The following IL16 variants were observed in gnomAD, a reference collection of about 807,000 sequenced individuals.
IL16 encodes interleukin 16, also known as pro-interleukin-16.
In IL16, 67 loss-of-function variants were observed where a neutral mutation model predicts 110.1. The ratio of observed to expected loss-of-function variants is 0.61; its 90% confidence interval spans 0.50 to 0.75. The LOEUF (loss-of-function observed/expected upper bound fraction) is 0.75, where lower values mean the gene tolerates loss of function less well. IL16 is among the 30% of genes least tolerant of loss of function. IL16 has a pLI of 0.00. For synonymous variants in IL16, 689 were observed against 662.9 expected (o/e 1.04, Z -0.61); for missense variants, 1,545 against 1,655.0 (o/e 0.93, Z 1.15).
At chr15:81,293,461 G>T (rs1212617203) in intron 12 of IL16, among the ~76,000 whole-genome samples, 1 of 152,158 alleles carries the variant, frequency 6.6e-6, no homozygotes, top group Non-Finnish European at 1.5e-5. Flanking sequence ...CCAGCACTTT[G>T]GGAGGCTGAG....
At chr15:81,186,503 T>C (rs1416558575) in intron 1 of IL16, among the ~76,000 whole-genome samples, 1 of 152,228 alleles carries the variant, frequency 6.6e-6, no homozygotes, top group African/African-American at 2.4e-5. Context: ...CGACATTGGG[T>C]TGTGGATAAC....
At chr15:81,211,059 G>C (rs1356458531) in intron 1 of IL16, among the ~76,000 whole-genome samples, 4 of 151,838 alleles carry the variant, frequency 2.6e-5, no homozygotes, top group Non-Finnish European at 5.9e-5. Flanking sequence ...TTTTTTGTTT[G>C]TTTGTTTGTT....
Position 81,312,735 on chromosome 15 carries a change from T to TAAA in IL16, c.*3938_*3940dup, listed in dbSNP as rs1567053918. 1 of 152,224 alleles carries TAAA rather than the reference T, an allele frequency of 6.6e-6. No homozygotes were observed. Among genetic ancestry groups the TAAA allele is most frequent in the Non-Finnish European group, 1.5e-5 (1 of 68,036 alleles). 9.4% of individuals were successfully genotyped at this position (152,224 alleles called of 1,614,324 possible). A position where few individuals can be genotyped will look rare whatever the true frequency, so the allele number is the denominator to read the frequency against. ...AGTTGACACCTTTTTTAAGGAAAAA[T>TAAA]AAATATTTTGCGGCATTAAAGCCAT... On this transcript the variant is annotated 3_prime_UTR_variant, in exon 19 of 19. Transcript: ENST00000683961.
At position 81,251,844 on chromosome 15, in the gene IL16, T is replaced by G. The variant is rs114088713; in HGVS notation, c.313-7928T>G. Among the ~76,000 whole-genome samples the G allele has an allele frequency of 7.8e-3, 1,193 of 152,286 alleles. 17 individuals are homozygous for G. Among genetic ancestry groups the G allele is most frequent in the African/African-American group, 0.027 (1,123 of 41,544 alleles). The stretch of plus-strand genomic sequence containing the variant: ...TCTGGAAAAAAATAGCCAATTATTT[T>G]AATATTACCTACAGTTTTTTTTCAA... On this transcript the variant is annotated intron_variant, in intron 2 of 18. Transcript: ENST00000683961.
intron 1 of IL16, among the ~76,000 whole-genome samples, chr15:81,199,156 A>G (rs116646878): frequency 0.013 from 1,938 of 152,000 alleles, 41 homozygotes; most frequent in African/African-American, 0.045. Context: ...GTGAATAGCA[A>G]TATGCTCATA....
chr15:81,226,603 C>T (rs960265244), intron 2 of IL16, among the ~76,000 whole-genome samples: 1 of 152,222 alleles, frequency 6.6e-6, no homozygotes. Flanking sequence ...TTGCCTTCTT[C>T]AGGAGGGAAA....
chr15:81,201,474 T>C (rs1384729398), intron 1 of IL16, among the ~76,000 whole-genome samples: 1 of 152,174 alleles, frequency 6.6e-6, no homozygotes, highest in African/African-American at 2.4e-5. Flanking sequence ...TGCCCTTAGT[T>C]CTCCAGGAAG....
intron 5 of IL16, among the ~76,000 whole-genome samples, chr15:81,270,751 CA>C (rs1410845116): frequency 6.6e-6 from 1 of 151,976 alleles, no homozygotes; most frequent in Non-Finnish European, 1.5e-5. Flanking sequence ...TGAAGATGAC[CA>C]AAAATGGTTT....
At position 81,299,907 on chromosome 15, in the gene IL16, A is replaced by G. The variant is rs1900183311; in HGVS notation, c.2581A>G (p.Arg861Gly). 4 of 1,613,560 alleles carry G rather than the reference A, an allele frequency of 2.5e-6. No individual in the cohort carries two copies. The highest frequency in any genetic ancestry group is 1.6e-4 in the Middle Eastern group (1 of 6,062). Residue 861 changes from arginine (R) to glycine (G), a missense_variant, in exon 14 of 19, where the codon AGA becomes GGA. Physicochemically the swap from Arg to Gly is moderately radical, Grantham distance 125. Transcript: ENST00000683961. Reference protein sequence around the residue: ...SSQLPDKGAQRLSLQPSSGEA... With the variant: ...SSQLPDKGAQGLSLQPSSGEA... ...TCAACTGCCTGACAAAGGAGCCCAG[A>G]GACTGAGCCTCCAGCCCTCCTCTGG...
At chr15:81,200,531 G>A (rs1017764382) in intron 1 of IL16, among the ~76,000 whole-genome samples, 1 of 141,836 alleles carries the variant, frequency 7.1e-6, no homozygotes. Flanking sequence ...CACCACACCT[G>A]GATAATTTTT....
chr15:81,245,621 A>G (rs926134848), intron 2 of IL16, among the ~76,000 whole-genome samples: 1 of 143,172 alleles, frequency 7.0e-6, no homozygotes, highest in African/African-American at 2.6e-5. Context: ...ACAGGGCCCC[A>G]TTTTTCTTTG....
Position 81,310,637 on chromosome 15 carries a change from T to C in IL16, c.*1839T>C, listed in dbSNP as rs1900801676. The C allele has an allele frequency of 6.6e-6, 1 of 152,208 alleles. No homozygotes were observed. The highest frequency in any genetic ancestry group is 1.5e-5 in the Non-Finnish European group (1 of 68,026). The allele number at this position is 152,208 out of a possible 1,614,324, so 9.4% of individuals were successfully genotyped here. ...CAGGCTGGGCAAGGAGGCCACGTGA[T>C]GTGGAGGGCACATTCCTTGCCTGCA... On this transcript the variant is annotated 3_prime_UTR_variant, in exon 19 of 19. Coordinates refer to ENST00000683961, the MANE Select transcript of IL16 (RefSeq NM_172217.5).
intron 2 of IL16, among the ~76,000 whole-genome samples, chr15:81,238,991 G>A (rs1409321763): frequency 2.0e-5 from 3 of 150,330 alleles, no homozygotes. Flanking sequence ...GCTGTCATTT[G>A]AATTGGTGTT....
chr15:81,253,458 C>T (rs552408525), intron 2 of IL16, among the ~76,000 whole-genome samples: 30 of 152,222 alleles, frequency 2.0e-4, no homozygotes, highest in African/African-American at 7.0e-4. Context: ...TCCTTTGAGG[C>T]ACAAAAGTTT....
intron 2 of IL16, among the ~76,000 whole-genome samples, chr15:81,232,812 T>C (rs1897054742): frequency 6.6e-6 from 1 of 152,186 alleles, no homozygotes; most frequent in Non-Finnish European, 1.5e-5. Context: ...AGAGATAACC[T>C]AAAACTTTCC....
At position 81,278,907 on chromosome 15, in the gene IL16, A is replaced by G; in HGVS notation, c.864+17A>G. On this transcript the variant is annotated intron_variant, in intron 7 of 18. Coordinates refer to ENST00000683961, the MANE Select transcript of IL16 (RefSeq NM_172217.5). ...AAGTTCAAGGTGACCATTTCTTATCAACACGTGACCAAACTCTGGGGCCTT... is the reference window on the plus strand; with the variant it reads ...AAGTTCAAGGTGACCATTTCTTATCGACACGTGACCAAACTCTGGGGCCTT... The G allele has an allele frequency of 6.4e-7, 1 of 1,572,514 alleles. No individual in the cohort carries two copies. The highest frequency in any genetic ancestry group is 8.8e-7 in the Non-Finnish European group (1 of 1,142,180).
chr15:81,207,278 A>G (rs1896065554), intron 1 of IL16, among the ~76,000 whole-genome samples: 1 of 151,992 alleles, frequency 6.6e-6, no homozygotes. Context: ...AAAGAAAAGA[A>G]AAAAGAAATT....
rs551800570 is a variant in IL16 at position 81,188,449 on chromosome 15, G to A, written c.40+5553G>A. ...GTATTTCAGGCAGTGAGAGCGTTCT[G>A]TATAAGTCTTATAATAACCCATTTT... On this transcript the variant is annotated intron_variant, in intron 1 of 18. Transcript: ENST00000302987. The A allele has an allele frequency of 1.5e-5, 7 of 455,940 alleles. 1 individual carries two copies. The highest frequency in any genetic ancestry group is 1.2e-4 in the African/African-American group (6 of 50,172). The allele number at this position is 455,940 out of a possible 1,614,324, so 28.2% of individuals were successfully genotyped here.
Position 81,186,033 on chromosome 15 carries a change from AG to A in IL16, c.40+3139del, listed in dbSNP as rs570856136. Reference sequence around the variant, plus strand: ...ATAAGATCTTTTTGCTGGTGGGGCAAGGTTTTGCCTGTGTATCAGCCAGTTG... The same window carrying A: ...ATAAGATCTTTTTGCTGGTGGGGCAAGTTTTGCCTGTGTATCAGCCAGTTG... On this transcript the variant is annotated intron_variant, in intron 1 of 18. Coordinates refer to the IL16 transcript ENST00000302987. Among the ~76,000 whole-genome samples the A allele has an allele frequency of 1.3e-3, 194 of 152,250 alleles. 1 individual carries two copies. Among genetic ancestry groups the A allele is most frequent in the African/African-American group, 4.3e-3 (179 of 41,542 alleles).
Sources: allele counts gnomAD v4.1 joint callset (sites outside exome capture counted in the v4.1 genomes callset), GRCh38; gene constraint gnomAD v4.1.1; transcripts MANE v1.5; gene names NCBI Gene and HGNC (gene_info 2026-07-23, HGNC 2026-07-21).